Variants in ANG observed in about 807,000 individuals in gnomAD.
ANG encodes the protein angiogenin.
For synonymous variants in ANG, 74 were observed against 73.8 expected, an observed-to-expected ratio of 1.00 and a Z score of -0.02; for missense variants, 178 against 187.4, an observed-to-expected ratio of 0.95 and a Z score of 0.29.
intron 1 of ANG, among the ~76,000 whole-genome samples, chr14:20,689,172 C>T (rs988302680): frequency 2.0e-5 from 3 of 152,206 alleles, no homozygotes; most frequent in Non-Finnish European, 4.4e-5. Context: ...CCTCCCCCGT[C>T]GTCCACCCCT....
chr14:20,688,835 A>G lies in ANG; in HGVS notation c.-58A>G. ...AACAGCTGGAACCCATCTCCCGTTG[A>G]AGGGAAACTGCCAGATTTTTGTAAG... On this transcript the variant is annotated 5_prime_UTR_variant, in exon 1 of 2. Coordinates refer to ENST00000397990, the MANE Select transcript of ANG (RefSeq NM_001097577.3). The G allele has an allele frequency of 1.0e-6, 1 of 985,400 alleles. No homozygotes were observed. The highest frequency in any genetic ancestry group is 1.2e-6 in the Non-Finnish European group (1 of 829,926). The allele number at this position is 985,400 out of a possible 1,614,324, so 61.0% of individuals were successfully genotyped here.
At chr14:20,687,669 A>G (rs182701915), upstream of ANG, among the ~76,000 whole-genome samples, 266 of 152,338 alleles carry the variant, frequency 1.7e-3, no homozygotes, top group Admixed American at 2.9e-3. Flanking sequence ...GCATATTTAC[A>G]TAATGCCTAC....
intron 1 of ANG, among the ~76,000 whole-genome samples, chr14:20,691,181 G>T (rs965296589): frequency 6.6e-6 from 1 of 152,158 alleles, no homozygotes; most frequent in African/African-American, 2.4e-5. Flanking sequence ...TCCTAGAGAA[G>T]ACATTAGTAA....
chr14:20,693,601 G>A lies in ANG; in HGVS notation c.37G>A (p.Val13Met). 2 of 1,613,792 alleles carry A rather than the reference G, an allele frequency of 1.2e-6. No individual in the cohort carries two copies. Among genetic ancestry groups the A allele is most frequent in the East Asian group, 2.2e-5 (1 of 44,868 alleles). The change falls in exon 2 of 2, where the codon GTG (valine) becomes ATG (methionine). Residue 13 changes from valine (V) to methionine (M), a missense_variant. Transcript: ENST00000397990. ...MGLGVLLLVF[V>M]LGLGLTPPTL... The stretch of plus-strand genomic sequence containing the variant: ...CCTGGGCGTTTTGTTGTTGGTCTTC[G>A]TGCTGGGTCTGGGTCTGACCCCACC...
chr14:20,694,117 C>A lies in ANG; in HGVS notation c.*109C>A. The A allele has an allele frequency of 8.4e-7, 1 of 1,189,936 alleles. No individual in the cohort carries two copies. The highest frequency in any genetic ancestry group is 1.2e-6 in the Non-Finnish European group (1 of 801,272). The allele number at this position is 1,189,936 out of a possible 1,614,324, so 73.7% of individuals were successfully genotyped here. ...CATTGCCAAGGGCCCAAAGAAAGAG[C>A]TACCTGGACCTTTTGTTTTCTGTTT... On this transcript the variant is annotated 3_prime_UTR_variant, in exon 2 of 2. Transcript: ENST00000397990.
At position 20,693,952 on chromosome 14, in the gene ANG, G is replaced by T; in HGVS notation, c.388G>T (p.Ala130Ser). 6.2e-7 allele frequency: 1 copy of T among 1,614,076 alleles called. No homozygotes were observed. The highest frequency in any genetic ancestry group is 8.5e-7 in the Non-Finnish European group (1 of 1,180,008). The change falls in exon 2 of 2, where the codon GCT becomes TCT. Residue 130 changes from alanine (A) to serine (S), a missense_variant. Ala to Ser is a moderately conservative substitution (Grantham distance 99). Transcript: ENST00000397990. ...AGCGGGGTTCAGAAACGTTGTTGTT[G>T]CTTGTGAAAATGGCTTACCTGTCCA... ...ATAGFRNVVV[A>S]CENGLPVHLD...
At chr14:20,686,957 C>T (rs751741469), upstream of ANG, among the ~76,000 whole-genome samples, 2 of 152,114 alleles carry the variant, frequency 1.3e-5, no homozygotes, top group South Asian at 2.1e-4. Context: ...CCGTGCATCC[C>T]GTGTCTGTGT....
At chr14:20,691,273 G>T (rs1044749206) in intron 1 of ANG, among the ~76,000 whole-genome samples, 4 of 152,180 alleles carry the variant, frequency 2.6e-5, no homozygotes, top group Non-Finnish European at 5.9e-5. Flanking sequence ...TGATTTCTGG[G>T]ATTCTGGCAC....
At chr14:20,688,115 T>C (rs1886510503), upstream of ANG, among the ~76,000 whole-genome samples, 1 of 152,160 alleles carries the variant, frequency 6.6e-6, no homozygotes, top group Non-Finnish European at 1.5e-5. Context: ...AGATTGAATG[T>C]TCAGGGTTAG....
At chr14:20,693,029 A>G (rs1287527274) in intron 1 of ANG, among the ~76,000 whole-genome samples, 1 of 151,366 alleles carries the variant, frequency 6.6e-6, no homozygotes, top group Non-Finnish European at 1.5e-5. Context: ...TTGTATTTTT[A>G]GTAGAGACGG....
chr14:20,693,574 G>C lies in ANG; in HGVS notation c.10G>C (p.Gly4Arg). 1.2e-6 allele frequency: 2 copies of C among 1,612,578 alleles called. No homozygotes were observed. The highest frequency in any genetic ancestry group is 1.7e-6 in the Non-Finnish European group (2 of 1,180,032). MVM[G>R]LGVLLLVFVL... is the part of the protein sequence containing the mutation. ...GCCTGTGTTGGAAGAGATGGTGATG[G>C]GCCTGGGCGTTTTGTTGTTGGTCTT... The change falls in exon 2 of 2, where the codon GGC (glycine) becomes CGC (arginine). Residue 4 changes from glycine to arginine, a missense_variant. Physicochemically the swap from Gly to Arg is moderately radical, Grantham distance 125. Transcript: ENST00000397990.
chr14:20,693,085 G>A lies in ANG; in HGVS notation c.-18-462G>A, dbSNP rs534124478. Among the ~76,000 whole-genome samples, 1,055 of 152,008 alleles carry A rather than the reference G, an allele frequency of 6.9e-3. 20 individuals are homozygous for A. The highest frequency in any genetic ancestry group is 0.024 in the African/African-American group (1,012 of 41,346). ...GATGGTCTCGATCTCCTGACCTCGT[G>A]ATCCGCCCGCCTTGGCCTCCCAAAG... is the stretch of plus-strand genomic sequence containing the variant. On this transcript the variant is annotated intron_variant, in intron 1 of 1. Coordinates refer to ENST00000397990, the MANE Select transcript of ANG (RefSeq NM_001097577.3).
upstream of ANG, among the ~76,000 whole-genome samples, chr14:20,687,168 A>T (rs891297510): frequency 2.6e-5 from 4 of 152,276 alleles, no homozygotes; most frequent in African/African-American, 9.6e-5. Context: ...TATTTTAAAC[A>T]CAAATGACTA....
intron 1 of ANG, among the ~76,000 whole-genome samples, chr14:20,691,783 T>C (rs1886764005): frequency 6.6e-6 from 1 of 152,250 alleles, no homozygotes; most frequent in Non-Finnish European, 1.5e-5. Flanking sequence ...AGATTATAAT[T>C]TGTAATGGAA....
At position 20,690,221 on chromosome 14, in the gene ANG, C is replaced by CAA. The variant is rs36091065; in HGVS notation, c.-19+1373_-19+1374dup. ...TGGGCGACAGAGCGAGACTCCGTCT[C>CAA]AAAAAAAAAAAAAAAAAAAAAAAAA... On this transcript the variant is annotated intron_variant, in intron 1 of 1. Coordinates refer to ENST00000397990, the MANE Select transcript of ANG (RefSeq NM_001097577.3). Among the ~76,000 whole-genome samples the CAA allele has an allele frequency of 9.7e-4, 66 of 67,972 alleles. 4 individuals carry two copies. Among genetic ancestry groups the CAA allele is most frequent in the African/African-American group, 2.2e-3 (34 of 15,466 alleles). 44.6% of individuals were successfully genotyped at this position (67,972 alleles called of 152,430 possible).
chr14:20,693,607 G>C lies in ANG; in HGVS notation c.43G>C (p.Gly15Arg). Residue 15 changes from glycine to arginine, a missense_variant, in exon 2 of 2, where the codon GGT (glycine) becomes CGT (arginine). Physicochemically the swap from Gly to Arg is moderately radical, Grantham distance 125. Coordinates refer to ENST00000397990, the MANE Select transcript of ANG (RefSeq NM_001097577.3). ...LGVLLLVFVL[G>R]LGLTPPTLAQ... Reference sequence around the variant, plus strand: ...CGTTTTGTTGTTGGTCTTCGTGCTGGGTCTGGGTCTGACCCCACCGACCCT... The same window carrying C: ...CGTTTTGTTGTTGGTCTTCGTGCTGCGTCTGGGTCTGACCCCACCGACCCT... The C allele has an allele frequency of 6.2e-7, 1 of 1,613,886 alleles. No homozygotes were observed. The highest frequency in any genetic ancestry group is 8.5e-7 in the Non-Finnish European group (1 of 1,180,026).
intron 1 of ANG, 77 bp from the exon 2 acceptor site, chr14:20,693,470 A>G: frequency 2.5e-6 from 4 of 1,576,438 alleles, no homozygotes; most frequent in Non-Finnish European, 2.6e-6. Flanking sequence ...CGTGTCAGAG[A>G]GCAAAGCTCC....
At chr14:20,684,410 G>A (rs1263578442), upstream of ANG, 1 of 152,234 alleles carries the variant, frequency 6.6e-6, no homozygotes, top group Non-Finnish European at 1.5e-5. Context: ...TCCCAGGCTC[G>A]TTCTTTGCCT....
chr14:20,691,987 G>A (rs957424561), intron 1 of ANG, among the ~76,000 whole-genome samples: 7 of 152,320 alleles, frequency 4.6e-5, no homozygotes, highest in Admixed American at 4.6e-4. Flanking sequence ...TCTGTGAACA[G>A]CAATATCCCC....
Sources: gnomAD v4.1 joint callset for allele counts (sites outside exome capture counted in the v4.1 genomes callset) on GRCh38, gnomAD v4.1.1 for gene constraint, MANE v1.5 for transcripts, NCBI Gene and HGNC (gene_info 2026-07-23, HGNC 2026-07-21) for gene names.